WWOX: variants seen among roughly 807,000 people sequenced by gnomAD.
WWOX encodes the protein WW domain-containing oxidoreductase.
A neutral mutation model predicts 46.2 loss-of-function variants in WWOX; 69 were observed. That is an observed-to-expected ratio of 1.49 (90% CI 1.23 to 1.82). WWOX has a LOEUF of 1.82. Among genes scored for constraint, WWOX ranks in the 40% most tolerant of loss-of-function variants. The pLI is 0.00. For synonymous variants in WWOX, 359 were observed against 202.6 expected (o/e 1.77, Z -6.56); for missense variants, 919 against 542.6 (o/e 1.69, Z -6.89).
At chr16:78,780,827 C>T (rs1038716683) in intron 8 of WWOX, among the ~76,000 whole-genome samples, 1 of 152,132 alleles carries the variant, frequency 6.6e-6, no homozygotes, top group Non-Finnish European at 1.5e-5. Flanking sequence ...GCTAGGATTT[C>T]ACTGTAAAAG....
intron 8 of WWOX, among the ~76,000 whole-genome samples, chr16:78,716,703 C>G (rs1042147053): frequency 1.3e-5 from 2 of 151,988 alleles, no homozygotes; most frequent in East Asian, 1.9e-4. Context: ...GGACCACCTC[C>G]AGAGAGATTT....
intron 8 of WWOX, among the ~76,000 whole-genome samples, chr16:79,038,775 C>T (rs767371550): frequency 4.1e-4 from 62 of 152,280 alleles, no homozygotes; most frequent in Admixed American, 1.2e-3. Context: ...CTCTTGAATT[C>T]CTAACTTCAG....
intron 8 of WWOX, among the ~76,000 whole-genome samples, chr16:78,867,233 G>C (rs72802830): frequency 6.6e-6 from 1 of 152,134 alleles, no homozygotes; most frequent in Non-Finnish European, 1.5e-5. Context: ...AGAAGTTTAG[G>C]TGCAAAGGAC....
At chr16:78,738,118 A>T (rs1202891416) in intron 8 of WWOX, among the ~76,000 whole-genome samples, 1 of 152,122 alleles carries the variant, frequency 6.6e-6, no homozygotes, top group Non-Finnish European at 1.5e-5. Flanking sequence ...CTTCCTGAAA[A>T]ACAGTTCAAT....
At chr16:78,426,068 T>C (rs2083070658) in intron 7 of WWOX, among the ~76,000 whole-genome samples, 1 of 152,212 alleles carries the variant, frequency 6.6e-6, no homozygotes, top group Admixed American at 6.5e-5. Flanking sequence ...ATAGATTTAC[T>C]TTTGCCATTT....
rs558435945 is a variant in WWOX at position 78,954,867 on chromosome 16, C to T, written c.1057-256741C>T. On this transcript the variant is annotated intron_variant, in intron 8 of 8. Coordinates refer to ENST00000566780, the MANE Select transcript of WWOX (RefSeq NM_016373.4). ...TGCGGTGGCATGATTGTAGCTCACT[C>T]CAGTCTTGAGCTCCTGGACTCAAGA... Among the ~76,000 whole-genome samples, 7 of 152,140 alleles carry T rather than the reference C, an allele frequency of 4.6e-5. No individual in the cohort carries two copies. The South Asian group carries it at 1.5e-3, about 32-fold the overall frequency.
At chr16:78,959,350 TG>T (rs1251787115) in intron 8 of WWOX, among the ~76,000 whole-genome samples, 2 of 152,218 alleles carry the variant, frequency 1.3e-5, no homozygotes, top group Admixed American at 6.5e-5. Context: ...TGCTTGGCCC[TG>T]AGAAAGCAAA....
At chr16:78,517,009 T>C (rs557269991) in intron 8 of WWOX, among the ~76,000 whole-genome samples, 1 of 152,332 alleles carries the variant, frequency 6.6e-6, no homozygotes, top group South Asian at 2.1e-4. Context: ...GAATTTCAAG[T>C]GGTTTTAATT....
chr16:78,635,754 G>C (rs1254860495), intron 8 of WWOX, among the ~76,000 whole-genome samples: 1 of 152,080 alleles, frequency 6.6e-6, no homozygotes, highest in Admixed American at 6.5e-5. Context: ...GAAAAGCCCT[G>C]GGCATCATTT....
chr16:78,618,989 T>G (rs563723057), intron 8 of WWOX, among the ~76,000 whole-genome samples: 8 of 150,130 alleles, frequency 5.3e-5, no homozygotes, highest in Non-Finnish European at 1.0e-4. Context: ...GGGCAAAGTT[T>G]CCTCAACTCT....
chr16:78,935,161 G>T (rs886100368), intron 8 of WWOX, among the ~76,000 whole-genome samples: 35 of 152,190 alleles, frequency 2.3e-4, no homozygotes, highest in African/African-American at 8.4e-4. Context: ...TGGTGGGACT[G>T]TAAACCAGTT....
Position 78,707,947 on chromosome 16 carries a change from G to A in WWOX, c.1056+275195G>A, listed in dbSNP as rs547811574. ...TGGTGCAAAAGCAATCGTGGTTTTT[G>A]CCATTACTTTTAATGGAATAGTAAA... On this transcript the variant is annotated intron_variant, in intron 8 of 8. Transcript: ENST00000566780. Among the ~76,000 whole-genome samples, 3 of 152,296 alleles carry A rather than the reference G, an allele frequency of 2.0e-5. 1 individual carries two copies. Among genetic ancestry groups the A allele is most frequent in the Admixed American group, 2.0e-4 (3 of 15,296 alleles).
intron 5 of WWOX, among the ~76,000 whole-genome samples, chr16:78,187,511 G>T (rs1247339016): frequency 1.3e-5 from 2 of 152,174 alleles, no homozygotes; most frequent in Non-Finnish European, 2.9e-5. Flanking sequence ...GCTAAGGCAG[G>T]AGAATTGCTT....
At chr16:78,751,406 T>C (rs931683558) in intron 8 of WWOX, among the ~76,000 whole-genome samples, 2 of 146,174 alleles carry the variant, frequency 1.4e-5, no homozygotes, top group East Asian at 3.9e-4. Context: ...ACTGTAAGAA[T>C]TTATCAGATT....
chr16:78,699,668 C>T (rs926604493), intron 8 of WWOX, among the ~76,000 whole-genome samples: 3 of 152,178 alleles, frequency 2.0e-5, no homozygotes, highest in Admixed American at 1.3e-4. Context: ...AAAGGAGAGT[C>T]AGCTATTCCC....
intron 8 of WWOX, among the ~76,000 whole-genome samples, chr16:78,558,096 G>A (rs1363270118): frequency 1.3e-5 from 2 of 152,134 alleles, no homozygotes; most frequent in African/African-American, 2.4e-5. Flanking sequence ...GATTCTGAAG[G>A]CCCCGGCTCA....
At chr16:78,628,175 T>C (rs1385891948) in intron 8 of WWOX, among the ~76,000 whole-genome samples, 2 of 151,402 alleles carry the variant, frequency 1.3e-5, no homozygotes, top group African/African-American at 4.9e-5. Flanking sequence ...GCTGGATGCT[T>C]GGAATTGTCA....
chr16:78,562,986 C>T, intron 8 of WWOX, among the ~76,000 whole-genome samples: 1 of 147,214 alleles, frequency 6.8e-6, no homozygotes, highest in African/African-American at 2.5e-5. Context: ...TACAGATGTT[C>T]TTTTTTTTTT....
At chr16:79,191,866 T>C (rs968095050) in intron 8 of WWOX, among the ~76,000 whole-genome samples, 1 of 152,172 alleles carries the variant, frequency 6.6e-6, no homozygotes, top group Non-Finnish European at 1.5e-5. Flanking sequence ...GAATTACTTA[T>C]GCGCATAAGT....
Sources: gnomAD v4.1 joint callset for allele counts (sites outside exome capture counted in the v4.1 genomes callset) on GRCh38, gnomAD v4.1.1 for gene constraint, MANE v1.5 for transcripts, NCBI Gene and HGNC (gene_info 2026-07-23, HGNC 2026-07-21) for gene names.